The following SCN2A variants were observed in gnomAD, a reference collection of about 807,000 sequenced individuals.
The protein encoded by SCN2A is sodium voltage-gated channel alpha subunit 2.
Under a neutral mutation model 188.7 loss-of-function variants are expected in SCN2A, and 20 were observed. The ratio of observed to expected loss-of-function variants is 0.11; its 90% CI spans 0.07 to 0.15. SCN2A has a LOEUF of 0.15. Ranked by LOEUF, SCN2A falls within the 10% of genes least tolerant of loss-of-function variation. The pLI is 1.00. For missense variants in SCN2A, 1,278 were observed against 2,445.0 expected (o/e 0.52, Z 10.07); for synonymous variants, 804 against 833.1 (o/e 0.97, Z 0.60).
intron 14 of SCN2A, among the ~76,000 whole-genome samples, chr2:165,336,919 TTAGATGATA>T (rs1328465303): frequency 6.6e-6 from 1 of 151,960 alleles, no homozygotes; most frequent in African/African-American, 2.4e-5. Context: ...CACATAAAAA[TTAGATGATA>T]TGCAACGAAA....
intron 1 of SCN2A, chr2:165,294,040 A>AAAATTT (rs780674346): frequency 1.1e-5 from 7 of 630,360 alleles, no homozygotes; most frequent in South Asian, 7.5e-5. Context: ...AAAAAAAAAG[A>AAAATTT]TTTTTTTTTT....
chr2:165,297,704 T>G (rs1696585796), intron 3 of SCN2A, among the ~76,000 whole-genome samples: 1 of 152,234 alleles, frequency 6.6e-6, no homozygotes, highest in Non-Finnish European at 1.5e-5. Flanking sequence ...ATTGATCTTT[T>G]GCTTTCTATT....
At chr2:165,382,370 A>G (rs1452031859) in intron 25 of SCN2A, among the ~76,000 whole-genome samples, 3 of 152,126 alleles carry the variant, frequency 2.0e-5, no homozygotes, top group Non-Finnish European at 4.4e-5. Context: ...GTGTGGAACA[A>G]TATTAGAGGC....
At chr2:165,279,203 A>G (rs939034613) in intron 1 of SCN2A, among the ~76,000 whole-genome samples, 1 of 152,196 alleles carries the variant, frequency 6.6e-6, no homozygotes, top group East Asian at 1.9e-4. Flanking sequence ...AGGTGTCCCA[A>G]GAGTTCTGAA....
At chr2:165,381,008 G>T in intron 24 of SCN2A, 85 bp from the exon 25 acceptor site, 1 of 906,714 alleles carries the variant, frequency 1.1e-6, no homozygotes, top group Non-Finnish European at 1.8e-6. Flanking sequence ...TGAAATGTGG[G>T]AGCCAATTTT....
intron 3 of SCN2A, among the ~76,000 whole-genome samples, chr2:165,305,019 T>C (rs1377379868): frequency 2.6e-5 from 4 of 152,208 alleles, no homozygotes; most frequent in Non-Finnish European, 5.9e-5. Context: ...ATAATCTAGA[T>C]GGACTATTAG....
At chr2:165,308,844 G>A (rs766679990) in intron 5 of SCN2A, 50 bp downstream of exon 5, 3 of 1,607,382 alleles carry the variant, frequency 1.9e-6, no homozygotes, top group Non-Finnish European at 2.6e-6. Flanking sequence ...TCACTGGTGG[G>A]AGCCTATACT....
intron 14 of SCN2A, among the ~76,000 whole-genome samples, chr2:165,333,174 G>A (rs1698791501): frequency 6.6e-6 from 1 of 151,990 alleles, no homozygotes; most frequent in Non-Finnish European, 1.5e-5. Context: ...CAGAGTAAAT[G>A]AGTGAAATTA....
intron 14 of SCN2A, among the ~76,000 whole-genome samples, chr2:165,335,532 G>C (rs1448711261): frequency 6.6e-6 from 1 of 151,594 alleles, no homozygotes; most frequent in East Asian, 1.9e-4. Context: ...AATGGTGCTT[G>C]GACAAGTGAA....
chr2:165,389,688 A>G lies in SCN2A; in HGVS notation c.5882A>G (p.Glu1961Gly), dbSNP rs1702052118. The G allele has an allele frequency of 1.9e-6, 3 of 1,613,902 alleles. No homozygotes were observed. Among genetic ancestry groups the G allele is most frequent in the Non-Finnish European group, 2.5e-6 (3 of 1,179,966 alleles). The change falls in exon 27 of 27, where the codon GAG becomes GGG. Residue 1961 changes from glutamate (E) to glycine (G), a missense_variant. Glu to Gly is a moderately conservative substitution (Grantham distance 98, BLOSUM62 -2). Transcript: ENST00000375437. The surrounding 1 kb of genome is among the most constrained non-coding windows in gnomAD (Gnocchi z 4.2). ...AAACTGAATGAGAATTCAACTCCAGAGAAAACCGATATGACGCCTTCCACC... is the reference window on the plus strand; with the variant it reads ...AAACTGAATGAGAATTCAACTCCAGGGAAAACCGATATGACGCCTTCCACC... ...IDKLNENSTP[E>G]KTDMTPSTTS...
chr2:165,266,812 C>G (rs1031293465), intron 1 of SCN2A: 7 of 151,988 alleles, frequency 4.6e-5, no homozygotes, highest in Admixed American at 3.9e-4. Context: ...TAAATAAATT[C>G]AGTAAAATTG....
chr2:165,367,881 C>T (rs1314807385), intron 19 of SCN2A, among the ~76,000 whole-genome samples: 1 of 152,116 alleles, frequency 6.6e-6, no homozygotes, highest in Non-Finnish European at 1.5e-5. Context: ...ACCGGCCCCA[C>T]AGGAGCGTCT....
At chr2:165,354,131 G>A (rs1700065105) in intron 16 of SCN2A, 61 bp from the exon 17 acceptor site, 1 of 1,605,374 alleles carries the variant, frequency 6.2e-7, no homozygotes, top group African/African-American at 1.3e-5. Flanking sequence ...GAAAACTAAT[G>A]ATGGAAAGCA....
At chr2:165,317,093 A>G (rs1697793142) in intron 11 of SCN2A, among the ~76,000 whole-genome samples, 2 of 152,138 alleles carry the variant, frequency 1.3e-5, no homozygotes, top group Admixed American at 1.3e-4. Context: ...AAGCTCACAT[A>G]ACCTCACATG....
intron 26 of SCN2A, among the ~76,000 whole-genome samples, chr2:165,387,594 A>G (rs1574748566): frequency 6.6e-6 from 1 of 152,160 alleles, no homozygotes; most frequent in Admixed American, 6.6e-5. Flanking sequence ...TGATACATTA[A>G]TGTTAGGATA....
At chr2:165,242,573 A>G (rs896695933) in intron 1 of SCN2A, among the ~76,000 whole-genome samples, 2 of 152,186 alleles carry the variant, frequency 1.3e-5, no homozygotes, top group Admixed American at 6.5e-5. Context: ...TAAATTGGAC[A>G]TGAGAAATCT....
At chr2:165,361,349 T>TA (rs1700452237) in intron 17 of SCN2A, among the ~76,000 whole-genome samples, 1 of 152,040 alleles carries the variant, frequency 6.6e-6, no homozygotes, top group Non-Finnish European at 1.5e-5. Flanking sequence ...AACAATATCA[T>TA]AAGCACTATC....
chr2:165,348,327 C>T (rs1699709980), intron 16 of SCN2A, among the ~76,000 whole-genome samples: 1 of 148,322 alleles, frequency 6.7e-6, no homozygotes, highest in South Asian at 2.1e-4. Context: ...CCATTGCATT[C>T]CAGCCTGGGT....
At chr2:165,380,987 T>G in intron 24 of SCN2A, 106 bp from the exon 25 acceptor site, 1 of 785,060 alleles carries the variant, frequency 1.3e-6, no homozygotes, top group Non-Finnish European at 2.1e-6. Flanking sequence ...CAGATATTAG[T>G]AACAATAGAA....
Sources: allele counts gnomAD v4.1 joint callset (sites outside exome capture counted in the v4.1 genomes callset), GRCh38; gene constraint gnomAD v4.1.1; non-coding constraint Gnocchi (gnomAD v3.1); transcripts MANE v1.5; gene names NCBI Gene and HGNC (gene_info 2026-07-23, HGNC 2026-07-21).